Variants in AHI1 observed in about 807,000 individuals in gnomAD.
AHI1 encodes the protein jouberin.
In AHI1, 123 loss-of-function variants were observed where a neutral mutation model predicts 149.3. The ratio of observed to expected loss-of-function variants is 0.82; its 90% CI spans 0.71 to 0.96. The LOEUF (loss-of-function observed/expected upper bound fraction) is 0.96. Among genes scored for constraint, AHI1 ranks in the 40% least tolerant of loss-of-function variants. AHI1 has a pLI of 0.00. For missense variants in AHI1, 1,439 were observed against 1,422.7 expected (o/e 1.01, Z -0.18); for synonymous variants, 475 against 459.8 (o/e 1.03, Z -0.42).
intron 20 of AHI1, among the ~76,000 whole-genome samples, chr6:135,417,338 GC>G: frequency 6.6e-6 from 1 of 152,084 alleles, no homozygotes; most frequent in Non-Finnish European, 1.5e-5. Context: ...GAGCGAACAT[GC>G]ATAGAAATGG....
At chr6:135,385,522 C>T (rs907030117) in intron 23 of AHI1, among the ~76,000 whole-genome samples, 1 of 152,166 alleles carries the variant, frequency 6.6e-6, no homozygotes, top group African/African-American at 2.4e-5. Flanking sequence ...GAAAAGGTCA[C>T]TTTTGAGCTT....
At chr6:135,358,709 C>T (rs566582181) in intron 23 of AHI1, among the ~76,000 whole-genome samples, 2 of 152,204 alleles carry the variant, frequency 1.3e-5, no homozygotes, top group South Asian at 4.1e-4. Context: ...CCCCTGATTC[C>T]CTCCTTTAAA....
intron 24 of AHI1, among the ~76,000 whole-genome samples, chr6:135,344,616 CCCTCCCTCCCTT>C (rs980313224): frequency 2.1e-5 from 3 of 141,872 alleles, no homozygotes; most frequent in Non-Finnish European, 3.1e-5. Context: ...TTCAAACCCT[CCCTCCCTCCCTT>C]CCTCCCTCCC....
intron 8 of AHI1, among the ~76,000 whole-genome samples, chr6:135,459,099 G>A (rs536808879): frequency 2.6e-4 from 39 of 152,212 alleles, no homozygotes; most frequent in Middle Eastern, 3.4e-3. Context: ...CTTTTCAAAT[G>A]AGCATGGAAT....
intron 24 of AHI1, among the ~76,000 whole-genome samples, chr6:135,330,976 AAAGCAG>A: frequency 6.6e-6 from 1 of 152,214 alleles, no homozygotes; most frequent in Non-Finnish European, 1.5e-5. Context: ...AAAGTTCTAT[AAAGCAG>A]TTAGGTGGCA....
intron 23 of AHI1, among the ~76,000 whole-genome samples, chr6:135,376,869 G>A (rs532005923): frequency 3.1e-4 from 30 of 98,248 alleles, no homozygotes; most frequent in African/African-American, 1.2e-3. Context: ...GTGACAGAGC[G>A]AGACTCCATC....
chr6:135,294,444 G>A (rs542548340), intron 27 of AHI1, among the ~76,000 whole-genome samples: 159 of 152,190 alleles, frequency 1.0e-3, no homozygotes, highest in African/African-American at 3.7e-3. Context: ...TGGAGGCAGA[G>A]GTTGCAGTGA....
In AHI1 at chr6:135,401,213, G is replaced by T. The variant is rs1228696380; in HGVS notation, c.2988+3738C>A. 3.3e-5 allele frequency among the ~76,000 whole-genome samples: 5 copies of T among 152,232 alleles called. No individual in the cohort carries two copies. In the East Asian group the frequency reaches 9.7e-4, roughly 29 times the overall value. ...TTCTATGACCATCCTCTTGAGAGTA[G>T]CTTCCCTTCCCAGTCATTCTTTGTC... On this transcript the variant is annotated intron_variant, in intron 22 of 28. Coordinates refer to ENST00000265602, the MANE Select transcript of AHI1 (RefSeq NM_001134831.2).
At chr6:135,381,475 G>A (rs1411386998) in intron 23 of AHI1, among the ~76,000 whole-genome samples, 1 of 152,090 alleles carries the variant, frequency 6.6e-6, no homozygotes, top group Non-Finnish European at 1.5e-5. Flanking sequence ...TCAGAATGCC[G>A]TAAGATCCTT....
At chr6:135,382,914 AAAAAAAAAAAAAATAT>A (rs1448762170) in intron 23 of AHI1, among the ~76,000 whole-genome samples, 6 of 104,540 alleles carry the variant, frequency 5.7e-5, no homozygotes, top group African/African-American at 1.8e-4. Flanking sequence ...AAAAAAAAAA[AAAAAAAAAAAAAATAT>A]ATATATATAT....
intron 27 of AHI1, among the ~76,000 whole-genome samples, chr6:135,297,858 T>C (rs1335252157): frequency 6.6e-6 from 1 of 152,128 alleles, no homozygotes; most frequent in Non-Finnish European, 1.5e-5. Context: ...GAAAAAAATA[T>C]ACAGTGGAGT....
intron 14 of AHI1, among the ~76,000 whole-genome samples, chr6:135,442,377 C>T (rs1484623305): frequency 6.6e-6 from 1 of 152,080 alleles, no homozygotes; most frequent in Non-Finnish European, 1.5e-5. Context: ...TTCATTTGAT[C>T]AATCTCATTC....
intron 5 of AHI1, among the ~76,000 whole-genome samples, chr6:135,480,954 G>C (rs1231895482): frequency 6.6e-5 from 10 of 152,166 alleles, no homozygotes. Flanking sequence ...ATCTGAGATG[G>C]AACACTTTCA....
chr6:135,348,541 A>G (rs535710544), intron 24 of AHI1, among the ~76,000 whole-genome samples: 181 of 152,326 alleles, frequency 1.2e-3, no homozygotes, highest in Non-Finnish European at 1.9e-3. Flanking sequence ...AACACTCCTC[A>G]TGCAAAATTA....
In AHI1 at chr6:135,448,464, G is replaced by T. The variant is rs758676596; in HGVS notation, c.1452C>A (p.Ala484=). 1.3e-6 allele frequency: 2 copies of T among 1,501,542 alleles called. No individual in the cohort carries two copies. The highest frequency in any genetic ancestry group is 2.7e-5 in the African/African-American group (2 of 73,524). The allele number at this position is 1,501,542 out of a possible 1,614,324, so 93.0% of individuals were successfully genotyped here. A position where few individuals can be genotyped will look rare whatever the true frequency, so the allele number is the denominator to read the frequency against. ...IAWAFLKLLG[A]NGNANINSKL... is the part of the protein sequence containing the mutation. ...TTGAGTTGATGTTTGCATTTCCATT[G>T]GCTCCCAGAAGCTTAAAATAAGAAT... The change falls in exon 12 of 29, where the codon GCC becomes GCA. Residue 484 remains alanine, a synonymous_variant. Coordinates refer to ENST00000265602, the MANE Select transcript of AHI1 (RefSeq NM_001134831.2).
chr6:135,383,752 G>A (rs994820790), intron 23 of AHI1, among the ~76,000 whole-genome samples: 2 of 152,044 alleles, frequency 1.3e-5, no homozygotes, highest in African/African-American at 4.8e-5. Context: ...TGTCCATTTC[G>A]ATTTGAGATT....
chr6:135,488,083 C>T (rs1459024577), intron 5 of AHI1, among the ~76,000 whole-genome samples: 2 of 152,104 alleles, frequency 1.3e-5, no homozygotes, highest in African/African-American at 4.8e-5. Context: ...AGAGAAGTCT[C>T]AAATGTACTA....
chr6:135,452,401 C>T (rs1349439697), intron 11 of AHI1, among the ~76,000 whole-genome samples: 1 of 152,174 alleles, frequency 6.6e-6, no homozygotes, highest in Non-Finnish European at 1.5e-5. Context: ...AACATCTCGT[C>T]AAAGACATCC....
At chr6:135,367,523 C>T (rs993809102) in intron 23 of AHI1, among the ~76,000 whole-genome samples, 2 of 151,908 alleles carry the variant, frequency 1.3e-5, no homozygotes, top group African/African-American at 4.8e-5. Context: ...TAACATAATA[C>T]CAAACTTCTG....
Sources: gnomAD v4.1 joint callset for allele counts (sites outside exome capture counted in the v4.1 genomes callset) on GRCh38, gnomAD v4.1.1 for gene constraint, MANE v1.5 for transcripts, NCBI Gene and HGNC (gene_info 2026-07-23, HGNC 2026-07-21) for gene names.